FMN1: variants seen among roughly 807,000 people sequenced by gnomAD.
FMN1 encodes formin 1.
A neutral mutation model predicts 132.4 loss-of-function variants in FMN1; 110 were observed. The observed-to-expected ratio is 0.83, with a 90% CI of 0.71 to 0.97. FMN1 has a LOEUF of 0.97. FMN1 is among the 50% of genes least tolerant of loss of function. The pLI, the probability that FMN1 is intolerant of heterozygous loss-of-function variation, is 0.00. For synonymous variants in FMN1, 722 were observed against 651.7 expected (o/e 1.11, Z -1.64); for missense variants, 1,792 against 1,705.3 (o/e 1.05, Z -0.90).
chr15:33,011,780 A>G (rs1436016424), intron 6 of FMN1, among the ~76,000 whole-genome samples: 1 of 152,162 alleles, frequency 6.6e-6, no homozygotes, highest in African/African-American at 2.4e-5. Flanking sequence ...GTGAAAAATG[A>G]GCAAAAAGCA....
At chr15:32,948,799 T>C (rs1464090995) in intron 9 of FMN1, among the ~76,000 whole-genome samples, 1 of 152,060 alleles carries the variant, frequency 6.6e-6, no homozygotes, top group Non-Finnish European at 1.5e-5. Flanking sequence ...GAAGAAACTT[T>C]TGTCTTTAAT....
At chr15:33,031,787 G>C (rs1016003158) in intron 6 of FMN1, among the ~76,000 whole-genome samples, 9 of 152,152 alleles carry the variant, frequency 5.9e-5, no homozygotes, top group African/African-American at 2.2e-4. Flanking sequence ...AGTTACTGTG[G>C]TAACAGATGT....
Position 32,905,253 on chromosome 15 carries a change from T to G in FMN1, c.3378-3213A>C, listed in dbSNP as rs2060394030. Among the ~76,000 whole-genome samples the G allele has an allele frequency of 2.0e-5, 3 of 152,344 alleles. No homozygotes were observed. The South Asian group carries it at 6.2e-4, about 32-fold the overall frequency. ...GCTCATGTTTTTAAGAGACTAACAT[T>G]TGATTTATTATCCCTAAATTTCTGA... On this transcript the variant is annotated intron_variant, in intron 12 of 20. Transcript: ENST00000616417.
chr15:32,800,050 A>T (rs2057424921), intron 18 of FMN1, among the ~76,000 whole-genome samples: 1 of 152,008 alleles, frequency 6.6e-6, no homozygotes. Flanking sequence ...AAAACCCTGA[A>T]GCTCCGTTAC....
chr15:32,988,055 T>G (rs2033185677), intron 7 of FMN1, among the ~76,000 whole-genome samples: 1 of 149,738 alleles, frequency 6.7e-6, no homozygotes, highest in Non-Finnish European at 1.5e-5. Flanking sequence ...TCCAGTTTTT[T>G]TTTTTTTTTT....
chr15:32,949,960 TATATAC>T (rs1183511285), intron 9 of FMN1, among the ~76,000 whole-genome samples: 1 of 48,194 alleles, frequency 2.1e-5, no homozygotes, highest in Non-Finnish European at 3.6e-5. Context: ...TATATATATA[TATATAC>T]ACACATATAT....
intron 5 of FMN1, chr15:33,068,127 C>A (rs996494125): frequency 1.1e-6 from 1 of 934,870 alleles, no homozygotes; most frequent in Non-Finnish European, 1.5e-6. Flanking sequence ...CCAGAAGCAG[C>A]CGAGGCTGCG....
intron 4 of FMN1, among the ~76,000 whole-genome samples, chr15:33,120,024 T>G (rs989530185): frequency 2.6e-5 from 4 of 152,162 alleles, no homozygotes; most frequent in Admixed American, 1.3e-4. Flanking sequence ...ATTATCAATT[T>G]TAACAGGTGG....
intron 9 of FMN1, among the ~76,000 whole-genome samples, chr15:32,926,840 A>T (rs992016388): frequency 6.6e-6 from 1 of 152,192 alleles, no homozygotes; most frequent in Non-Finnish European, 1.5e-5. Flanking sequence ...GCTGGAGTGC[A>T]GTGGTGTGAT....
At chr15:33,099,169 T>TAG (rs532060272) in intron 4 of FMN1, among the ~76,000 whole-genome samples, 12 of 152,234 alleles carry the variant, frequency 7.9e-5, no homozygotes, top group African/African-American at 2.9e-4. Context: ...CGCGCACCTG[T>TAG]AGTCTCAGCT....
At chr15:32,777,153 A>C (rs2056445972) in intron 19 of FMN1, among the ~76,000 whole-genome samples, 1 of 152,146 alleles carries the variant, frequency 6.6e-6, no homozygotes, top group Non-Finnish European at 1.5e-5. Context: ...CACCAGCTGA[A>C]GCCTGTTTTT....
intron 7 of FMN1, among the ~76,000 whole-genome samples, chr15:32,989,506 C>A (rs1460856395): frequency 1.3e-5 from 2 of 151,374 alleles, no homozygotes; most frequent in Non-Finnish European, 2.9e-5. Context: ...GAAGAGAAAA[C>A]CATAATAATT....
intron 4 of FMN1, among the ~76,000 whole-genome samples, chr15:33,140,338 A>C (rs1963956919): frequency 6.9e-6 from 1 of 144,162 alleles, no homozygotes. Flanking sequence ...TCAAAAATAA[A>C]GTTACCCTTG....
chr15:32,946,719 T>C (rs2140470687), intron 9 of FMN1, among the ~76,000 whole-genome samples: 1 of 152,298 alleles, frequency 6.6e-6, no homozygotes, highest in Non-Finnish European at 1.5e-5. Flanking sequence ...GGAGGACTGG[T>C]AAATTCCTAG....
At chr15:32,905,509 A>G (rs2060402172) in intron 12 of FMN1, among the ~76,000 whole-genome samples, 1 of 152,156 alleles carries the variant, frequency 6.6e-6, no homozygotes, top group Admixed American at 6.5e-5. Flanking sequence ...TCACCTCACA[A>G]CCATTACCCG....
intron 16 of FMN1, among the ~76,000 whole-genome samples, chr15:32,864,558 T>A (rs867149180): frequency 1.1e-4 from 17 of 152,210 alleles, no homozygotes; most frequent in Non-Finnish European, 1.9e-4. Flanking sequence ...TTCCTCCTAA[T>A]GACTCTATTC....
At chr15:33,136,885 C>T (rs1963789179) in intron 4 of FMN1, among the ~76,000 whole-genome samples, 1 of 151,824 alleles carries the variant, frequency 6.6e-6, no homozygotes, top group African/African-American at 2.4e-5. Context: ...ATCAGGAGTT[C>T]GAAACCAGCC....
In FMN1 at chr15:33,087,407, G is replaced by A. The variant is rs112591108; in HGVS notation, c.2043+1392C>T. The stretch of plus-strand genomic sequence containing the variant: ...CTAAAAATACAAAAATTAGCTGGGT[G>A]TGGTAGCTCACGCCTGTAAGCCCAG... On this transcript the variant is annotated intron_variant, in intron 5 of 20. Transcript: ENST00000616417. 6.3e-3 allele frequency among the ~76,000 whole-genome samples: 963 copies of A among 152,256 alleles called. 7 individuals are homozygous for A. The highest frequency in any genetic ancestry group is 0.02 in the African/African-American group (846 of 41,526).
chr15:32,908,002 A>G (rs2060468423), intron 12 of FMN1, among the ~76,000 whole-genome samples: 1 of 152,210 alleles, frequency 6.6e-6, no homozygotes, highest in Admixed American at 6.5e-5. Flanking sequence ...AAGCATGTAC[A>G]GAGTGAGGGT....
Sources: gnomAD v4.1 joint callset for allele counts (sites outside exome capture counted in the v4.1 genomes callset) on GRCh38, gnomAD v4.1.1 for gene constraint, MANE v1.5 for transcripts, NCBI Gene and HGNC (gene_info 2026-07-23, HGNC 2026-07-21) for gene names.